The following CMSS1 variants were observed in gnomAD, a reference collection of about 807,000 sequenced individuals.
The protein encoded by CMSS1 is cms1 ribosomal small subunit homolog.
A neutral mutation model predicts 43.5 loss-of-function variants in CMSS1; 33 were observed. The ratio of observed to expected loss-of-function variants is 0.76; its 90% CI spans 0.57 to 1.01. CMSS1 has a LOEUF of 1.01. CMSS1 is among the 50% of genes least tolerant of loss of function. The probability of loss-of-function intolerance (pLI) is 0.00; values close to 1 mark genes in which losing one functional copy is unlikely to be tolerated. For synonymous variants in CMSS1, 115 were observed against 117.2 expected, an observed-to-expected ratio of 0.98 and a Z score of 0.12; for missense variants, 313 against 326.4, an observed-to-expected ratio of 0.96 and a Z score of 0.32.
chr3:99,950,183 T>C (rs895153617), intron 1 of CMSS1, among the ~76,000 whole-genome samples: 1 of 152,214 alleles, frequency 6.6e-6, no homozygotes, highest in African/African-American at 2.4e-5. Context: ...TTTTTCTTAT[T>C]TACTTCCTTA....
At chr3:99,854,790 T>C (rs1025940772) in intron 1 of CMSS1, among the ~76,000 whole-genome samples, 1 of 152,210 alleles carries the variant, frequency 6.6e-6, no homozygotes, top group Non-Finnish European at 1.5e-5. Flanking sequence ...ATCGTTTTGC[T>C]TTACTCAGCT....
intron 1 of CMSS1, among the ~76,000 whole-genome samples, chr3:99,997,372 A>G (rs1484822976): frequency 6.6e-6 from 1 of 152,246 alleles, no homozygotes; most frequent in Non-Finnish European, 1.5e-5. Context: ...AAATGGCTGT[A>G]TGCTATCTTT....
At chr3:100,029,354 T>C (rs2064984050) in intron 1 of CMSS1, among the ~76,000 whole-genome samples, 1 of 152,102 alleles carries the variant, frequency 6.6e-6, no homozygotes, top group Non-Finnish European at 1.5e-5. Flanking sequence ...ATGATAATTG[T>C]TCAATAAAGT....
In CMSS1 at chr3:100,102,205, C is replaced by T. The variant is rs565673765; in HGVS notation, c.65-44768C>T. On this transcript the variant is annotated intron_variant, in intron 1 of 9. Coordinates refer to ENST00000421999, the MANE Select transcript of CMSS1 (RefSeq NM_032359.4). ...CCTGAGGAATCACCACACCGACTTCCACAATGGTTGAACTAGTTTACAGTC... is the reference window on the plus strand; with the variant it reads ...CCTGAGGAATCACCACACCGACTTCTACAATGGTTGAACTAGTTTACAGTC... Among the ~76,000 whole-genome samples the T allele has an allele frequency of 4.6e-3, 705 of 152,336 alleles. 2 individuals carry two copies. The highest frequency in any genetic ancestry group is 7.0e-3 in the South Asian group (34 of 4,826).
At chr3:99,845,836 T>C (rs571958845) in intron 1 of CMSS1, among the ~76,000 whole-genome samples, 334 of 152,348 alleles carry the variant, frequency 2.2e-3, no homozygotes, top group South Asian at 0.012. Flanking sequence ...ATACAAATTA[T>C]TATACTGAAG....
intron 1 of CMSS1, among the ~76,000 whole-genome samples, chr3:99,842,393 C>T (rs965857978): frequency 1.3e-5 from 2 of 151,694 alleles, no homozygotes; most frequent in African/African-American, 2.4e-5. Flanking sequence ...GTACACTGCT[C>T]GAGTGATGGT....
At chr3:100,141,457 G>C in intron 1 of CMSS1, 1 of 431,986 alleles carries the variant, frequency 2.3e-6, no homozygotes, top group Non-Finnish European at 4.6e-6. Context: ...AACATATTGT[G>C]GTGAAGACGG....
rs369633601 is a variant in CMSS1 at position 99,954,884 on chromosome 3, G to T, written c.64+136841G>T. Among the ~76,000 whole-genome samples, 73 of 152,152 alleles carry T rather than the reference G, an allele frequency of 4.8e-4. No individual in the cohort carries two copies. The South Asian group carries it at 8.5e-3, about 18-fold the overall frequency. On this transcript the variant is annotated intron_variant, in intron 1 of 9. Coordinates refer to ENST00000421999, the MANE Select transcript of CMSS1 (RefSeq NM_032359.4). ...GTTAGGATTATTGTTAGGGTAAAAT[G>T]AAATAATTGAAGTGCTAAGCACCAC...
chr3:100,082,227 A>G (rs928708507), intron 1 of CMSS1, among the ~76,000 whole-genome samples: 10 of 152,368 alleles, frequency 6.6e-5, no homozygotes, highest in Admixed American at 2.6e-4. Flanking sequence ...AGTGTGCTGC[A>G]TAGAATTCAT....
intron 1 of CMSS1, among the ~76,000 whole-genome samples, chr3:99,907,756 T>G (rs1469741590): frequency 6.6e-6 from 1 of 152,182 alleles, no homozygotes; most frequent in African/African-American, 2.4e-5. Flanking sequence ...TTTCTCCTTG[T>G]CTGAACTATG....
chr3:99,942,808 G>A (rs1056959683), intron 1 of CMSS1, among the ~76,000 whole-genome samples: 1 of 151,442 alleles, frequency 6.6e-6, no homozygotes, highest in South Asian at 2.1e-4. Flanking sequence ...TAGCCTCGGC[G>A]ACAGAGTGTG....
chr3:99,872,267 G>A (rs1288827601), intron 1 of CMSS1, among the ~76,000 whole-genome samples: 1 of 130,602 alleles, frequency 7.7e-6, no homozygotes, highest in Non-Finnish European at 1.6e-5. Context: ...TCTGTGCCAG[G>A]ACTGTGTGTG....
chr3:100,152,551 A>G (rs1425478827), intron 2 of CMSS1, among the ~76,000 whole-genome samples: 1 of 152,202 alleles, frequency 6.6e-6, no homozygotes, highest in African/African-American at 2.4e-5. Flanking sequence ...AAGCGCTCCT[A>G]TGTGACTGAA....
At chr3:99,963,429 A>T (rs1708551912) in intron 1 of CMSS1, among the ~76,000 whole-genome samples, 1 of 152,210 alleles carries the variant, frequency 6.6e-6, no homozygotes, top group Non-Finnish European at 1.5e-5. Flanking sequence ...ATAAGGATAT[A>T]GCACAGAAGT....
chr3:99,854,702 A>C (rs1181927341), intron 1 of CMSS1, among the ~76,000 whole-genome samples: 1 of 152,072 alleles, frequency 6.6e-6, no homozygotes. Flanking sequence ...AGTCACCTCC[A>C]GTTGAGAACT....
At chr3:100,082,188 C>A (rs2065943087) in intron 1 of CMSS1, among the ~76,000 whole-genome samples, 1 of 152,110 alleles carries the variant, frequency 6.6e-6, no homozygotes, top group South Asian at 2.1e-4. Context: ...AAACCAAGAA[C>A]ATTATTGCTA....
rs2067180908 is a variant in CMSS1 at position 100,180,923 on chromosome 3, T to C, written c.*2535T>C. On this transcript the variant is annotated 3_prime_UTR_variant, in exon 10 of 10. Coordinates refer to ENST00000421999, the MANE Select transcript of CMSS1 (RefSeq NM_032359.4). ...TTAATTGACTTCCAGTTCCACAGAC[T>C]GTACAGGAGGATGGCTGGGGAGGCC... 2 of 152,196 alleles carry C rather than the reference T, an allele frequency of 1.3e-5. No individual in the cohort carries two copies. The highest frequency in any genetic ancestry group is 2.1e-4 in the South Asian group (1 of 4,830). 9.4% of individuals were successfully genotyped at this position (152,196 alleles called of 1,614,324 possible). A position where few individuals can be genotyped will look rare whatever the true frequency, so the allele number is the denominator to read the frequency against.
At chr3:99,924,171 G>C (rs1160734653) in intron 1 of CMSS1, 36 of 1,407,544 alleles carry the variant, frequency 2.6e-5, no homozygotes, top group Non-Finnish European at 3.4e-5. Context: ...CTGAGACCTG[G>C]TACAGTGGCC....
intron 1 of CMSS1, chr3:99,924,116 G>A: frequency 1.2e-6 from 1 of 868,452 alleles, no homozygotes; most frequent in Non-Finnish European, 1.8e-6. Context: ...CCTGGACTAT[G>A]AGATCTTTGA....
Sources: gnomAD v4.1 joint callset for allele counts (sites outside exome capture counted in the v4.1 genomes callset) on GRCh38, gnomAD v4.1.1 for gene constraint, MANE v1.5 for transcripts, NCBI Gene and HGNC (gene_info 2026-07-23, HGNC 2026-07-21) for gene names.